The following CADM2 variants were observed in gnomAD, a reference collection of about 807,000 sequenced individuals.
CADM2 encodes immunoglobulin superfamily member 4D.
A neutral mutation model predicts 49.8 loss-of-function variants in CADM2; 12 were observed. The observed-to-expected ratio is 0.24, with a 90% confidence interval of 0.15 to 0.39. The LOEUF (loss-of-function observed/expected upper bound fraction) is 0.39. Among genes scored for constraint, CADM2 ranks in the 10% least tolerant of loss-of-function variants. The pLI is 1.00. For synonymous variants in CADM2, 214 were observed against 175.4 expected (o/e 1.22, Z -1.74); for missense variants, 378 against 492.3 (o/e 0.77, Z 2.20).
chr3:85,310,266 G>T (rs374800168), intron 1 of CADM2, among the ~76,000 whole-genome samples: 1 of 151,086 alleles, frequency 6.6e-6, no homozygotes, highest in South Asian at 2.1e-4. Context: ...GGAAAGAGTT[G>T]TGATACTGAT....
At chr3:85,192,776 C>T (rs530316843) in intron 1 of CADM2, among the ~76,000 whole-genome samples, 29 of 151,938 alleles carry the variant, frequency 1.9e-4, no homozygotes, top group African/African-American at 6.3e-4. Flanking sequence ...GGTGTAACTA[C>T]AAGATTTAAC....
chr3:85,701,969 G>T (rs1443674346), intron 1 of CADM2, among the ~76,000 whole-genome samples: 22 of 106,690 alleles, frequency 2.1e-4, no homozygotes, highest in Admixed American at 3.3e-4. Flanking sequence ...TAGATAGATA[G>T]ACATAGATAG....
chr3:85,695,865 A>C lies in CADM2; in HGVS notation c.62-30657A>C, dbSNP rs192549937. Among the ~76,000 whole-genome samples, 658 of 152,236 alleles carry C rather than the reference A, an allele frequency of 4.3e-3. 3 individuals are homozygous for C. Among genetic ancestry groups the C allele is most frequent in the African/African-American group, 0.015 (629 of 41,566 alleles). On this transcript the variant is annotated intron_variant, in intron 1 of 9. Transcript: ENST00000383699. ...TTCCATAGAGGCTGTACTAATTTAC[A>C]ATCAACCAGCAGCGTATAAGCATTC...
chr3:86,052,118 C>A lies in CADM2; in HGVS notation c.971-13487C>A, dbSNP rs936006850. Among the ~76,000 whole-genome samples the A allele has an allele frequency of 2.6e-5, 4 of 152,042 alleles. No homozygotes were observed. In the East Asian group the frequency reaches 7.7e-4, roughly 29 times the overall value. ...AAATAAACACAATTTGTTATAGAAA[C>A]ATAAACAATTACACTAATTTAGAAG... is the stretch of plus-strand genomic sequence containing the variant. On this transcript the variant is annotated intron_variant, in intron 8 of 9. Coordinates refer to ENST00000383699, the MANE Select transcript of CADM2 (RefSeq NM_001167675.2).
At chr3:85,674,687 T>C (rs2065843240) in intron 1 of CADM2, among the ~76,000 whole-genome samples, 1 of 152,150 alleles carries the variant, frequency 6.6e-6, no homozygotes, top group Non-Finnish European at 1.5e-5. Context: ...GATAAATATG[T>C]CCAAGTATGA....
At chr3:85,454,959 G>T (rs897874701) in intron 1 of CADM2, among the ~76,000 whole-genome samples, 9 of 152,122 alleles carry the variant, frequency 5.9e-5, no homozygotes, top group South Asian at 2.1e-4. Flanking sequence ...TGGTTGCCTT[G>T]GTTGTTGTAA....
chr3:85,354,441 C>T (rs2031665169), intron 1 of CADM2, among the ~76,000 whole-genome samples: 1 of 151,334 alleles, frequency 6.6e-6, no homozygotes, highest in African/African-American at 2.4e-5. Flanking sequence ...CAACATGGCA[C>T]ATGTATACAT....
chr3:85,842,583 C>T lies in CADM2; in HGVS notation c.238+40387C>T, dbSNP rs9878177. ...AACTTCCTTCAGAAAGCTTCCCTAC[C>T]GATGAGGTAACATCACATGTCTTCT... is the stretch of plus-strand genomic sequence containing the variant. On this transcript the variant is annotated intron_variant, in intron 3 of 9. Coordinates refer to ENST00000383699, the MANE Select transcript of CADM2 (RefSeq NM_001167675.2). Among the ~76,000 whole-genome samples the T allele has an allele frequency of 2.7e-3, 415 of 152,150 alleles. 1 individual carries two copies. Among genetic ancestry groups the T allele is most frequent in the African/African-American group, 9.6e-3 (399 of 41,518 alleles).
chr3:85,212,101 C>T (rs2041793533), intron 1 of CADM2, among the ~76,000 whole-genome samples: 1 of 152,030 alleles, frequency 6.6e-6, no homozygotes, highest in African/African-American at 2.4e-5. Flanking sequence ...AGCTGCTCCT[C>T]CTCTTTTCTG....
intron 3 of CADM2, among the ~76,000 whole-genome samples, chr3:85,842,000 C>A (rs911043964): frequency 6.6e-6 from 1 of 151,880 alleles, no homozygotes; most frequent in African/African-American, 2.4e-5. Context: ...TATAACAAAC[C>A]CCTTTATCAT....
In CADM2 at chr3:85,839,423, T is replaced by G. The variant is rs550632415; in HGVS notation, c.238+37227T>G. ...TTTTCCTCTGTACTTAGATCTTACA[T>G]AAAAGGCTAATCACACATAATAATA... On this transcript the variant is annotated intron_variant, in intron 3 of 9. Coordinates refer to ENST00000383699, the MANE Select transcript of CADM2 (RefSeq NM_001167675.2). Among the ~76,000 whole-genome samples the G allele has an allele frequency of 1.4e-4, 22 of 151,986 alleles. No individual in the cohort carries two copies. In the South Asian group the frequency reaches 3.9e-3, roughly 27 times the overall value.
At position 85,025,880 on chromosome 3, in the gene CADM2, T is replaced by C. The variant is rs138702138; in HGVS notation, c.61+66212T>C. 3.3e-5 allele frequency among the ~76,000 whole-genome samples: 5 copies of C among 152,108 alleles called. No homozygotes were observed. In the East Asian group the frequency reaches 9.6e-4, roughly 29 times the overall value. On this transcript the variant is annotated intron_variant, in intron 1 of 9. Transcript: ENST00000383699. ...TGAGAACTTTTGTATCATTGCCCGGTAGCTCTTCTTTTAGTGGGTGAGAAA... is the reference window on the plus strand; with the variant it reads ...TGAGAACTTTTGTATCATTGCCCGGCAGCTCTTCTTTTAGTGGGTGAGAAA...
At chr3:85,795,976 C>T (rs921393166) in intron 2 of CADM2, among the ~76,000 whole-genome samples, 9 of 152,184 alleles carry the variant, frequency 5.9e-5, no homozygotes, top group Non-Finnish European at 1.0e-4. Context: ...GTTTGCCCAT[C>T]TGTGAAATGA....
At chr3:85,512,810 A>T (rs2060803274) in intron 1 of CADM2, among the ~76,000 whole-genome samples, 1 of 152,042 alleles carries the variant, frequency 6.6e-6, no homozygotes, top group Non-Finnish European at 1.5e-5. Flanking sequence ...ATTATTTATC[A>T]TTCTGAAGAT....
chr3:85,513,646 G>A (rs575355473), intron 1 of CADM2, among the ~76,000 whole-genome samples: 1 of 151,832 alleles, frequency 6.6e-6, no homozygotes, highest in African/African-American at 2.4e-5. Flanking sequence ...TTTAAATAAA[G>A]AGTAGAAAAA....
At chr3:85,933,294 C>G (rs1393833979) in intron 6 of CADM2, among the ~76,000 whole-genome samples, 2 of 151,926 alleles carry the variant, frequency 1.3e-5, no homozygotes, top group African/African-American at 4.8e-5. Flanking sequence ...AGTCCTGTGT[C>G]TTGCCCATCA....
At chr3:85,442,092 TC>T (rs1314639161) in intron 1 of CADM2, among the ~76,000 whole-genome samples, 1 of 152,066 alleles carries the variant, frequency 6.6e-6, no homozygotes, top group East Asian at 1.9e-4. Context: ...TACCCATTAT[TC>T]AGATTTTGTC....
intron 1 of CADM2, among the ~76,000 whole-genome samples, chr3:85,024,163 G>A (rs1343409469): frequency 5.3e-5 from 8 of 152,086 alleles, no homozygotes. Context: ...TGATGTAAAA[G>A]CCACAAATAT....
intron 1 of CADM2, among the ~76,000 whole-genome samples, chr3:84,977,967 A>G (rs1053923747): frequency 2.6e-5 from 4 of 152,118 alleles, no homozygotes; most frequent in Admixed American, 6.6e-5. Flanking sequence ...TTTAAAAATA[A>G]AGACTTTTGA....
Sources: gnomAD v4.1 joint callset for allele counts (sites outside exome capture counted in the v4.1 genomes callset) on GRCh38, gnomAD v4.1.1 for gene constraint, MANE v1.5 for transcripts, NCBI Gene and HGNC (gene_info 2026-07-23, HGNC 2026-07-21) for gene names.